Variants in TRABD observed in about 807,000 individuals in gnomAD.
TRABD encodes the protein traB domain-containing protein.
TRABD carries 23 observed loss-of-function variants against 39.6 expected under a neutral mutation model. The ratio of observed to expected loss-of-function variants is 0.58; its 90% CI spans 0.42 to 0.82. The LOEUF (loss-of-function observed/expected upper bound fraction) is 0.82, where lower values mean the gene tolerates loss of function less well. TRABD is among the 40% of genes least tolerant of loss of function. The pLI, the probability that TRABD is intolerant of heterozygous loss-of-function variation, is 0.00. For synonymous variants in TRABD, 243 were observed against 232.1 expected, an observed-to-expected ratio of 1.05 and a Z score of -0.43; for missense variants, 487 against 544.9, an observed-to-expected ratio of 0.89 and a Z score of 1.06.
At chr22:50,194,610 C>T (rs2064032682) in intron 4 of TRABD, 104 bp downstream of exon 4, 1 of 1,487,212 alleles carries the variant, frequency 6.7e-7, no homozygotes, top group Admixed American at 2.4e-5. Flanking sequence ...TGTGTGCGCA[C>T]CGCAGGCCTC....
Position 50,197,446 on chromosome 22 carries a change from C to T in TRABD, c.532-3C>T. 1.9e-6 allele frequency: 3 copies of T among 1,613,732 alleles called. No individual in the cohort carries two copies. Among genetic ancestry groups the T allele is most frequent in the Non-Finnish European group, 8.5e-7 (1 of 1,179,940 alleles). On this transcript the variant is annotated splice_region_variant and splice_polypyrimidine_tract_variant and intron_variant, in intron 6 of 9. Transcript: ENST00000380909. ...GCTCCCCAACACCCAGCCTCTGCTC[C>T]AGGCCAGCAAGGTGCCTTTCTGCAA...
chr22:50,197,776 C>CCCCCCCCTG, intron 7 of TRABD, 47 bp from the exon 8 acceptor site: 15 of 1,439,284 alleles, frequency 1.0e-5, no homozygotes, highest in Non-Finnish European at 1.4e-5. Context: ...CCCACCCCCC[C>CCCCCCCCTG]AGCCCGTTGC....
In TRABD at chr22:50,198,361, G is replaced by A. The variant is rs752086653; in HGVS notation, c.973G>A (p.Val325Ile). The change falls in exon 10 of 10, where the codon GTC becomes ATC. Residue 325 changes from valine to isoleucine, a missense_variant. By Grantham distance (29) the Val-to-Ile change is conservative (BLOSUM62 3). Transcript: ENST00000380909. The surrounding 1 kb of genome is among the most constrained non-coding windows in gnomAD (Gnocchi z 7.9). ...QEIMTVPPPSVSGRVSRLAVK... is the reference protein window; with the variant it reads ...QEIMTVPPPSISGRVSRLAVK... ...CTCCCACAGCGTGCCCCCGCCGTCC[G>A]TCTCCGGCAGAGTGTCTCGGTTGGC... is the stretch of plus-strand genomic sequence containing the variant. 40 of 1,580,160 alleles carry A rather than the reference G, an allele frequency of 2.5e-5. No individual in the cohort carries two copies. Among genetic ancestry groups the A allele is most frequent in the Admixed American group, 1.2e-4 (7 of 56,032 alleles).
intron 1 of TRABD, 84 bp from the exon 2 acceptor site, chr22:50,192,938 GGTTCT>G: frequency 8.0e-7 from 1 of 1,242,350 alleles, no homozygotes; most frequent in African/African-American, 1.5e-5. Context: ...CCCAACAGAT[GGTTCT>G]AGACTGACAG....
chr22:50,198,537 G>C lies in TRABD; in HGVS notation c.*18G>C. Reference sequence around the variant, plus strand: ...ACAAGTAGGAGACTGCTCCCCGCCCGCTCGGGCCCCTGAGGAGCCAGTGCC... The same window carrying C: ...ACAAGTAGGAGACTGCTCCCCGCCCCCTCGGGCCCCTGAGGAGCCAGTGCC... On this transcript the variant is annotated 3_prime_UTR_variant, in exon 10 of 10. Coordinates refer to ENST00000380909, the MANE Select transcript of TRABD (RefSeq NM_001320485.2). This position sits in a 1 kb window ranked among gnomAD's most constrained non-coding sequence, Gnocchi z 7.9. 6.6e-7 allele frequency: 1 copy of C among 1,508,276 alleles called. No homozygotes were observed. The highest frequency in any genetic ancestry group is 8.8e-7 in the Non-Finnish European group (1 of 1,133,044). 93.4% of individuals were successfully genotyped at this position (1,508,276 alleles called of 1,614,324 possible).
At chr22:50,196,218 C>A (rs1468830456) in intron 5 of TRABD, among the ~76,000 whole-genome samples, 1 of 152,202 alleles carries the variant, frequency 6.6e-6, no homozygotes, top group Non-Finnish European at 1.5e-5. Context: ...TGAGCTCAGA[C>A]CCCAGCCCCT....
In TRABD at chr22:50,198,358, T is replaced by G. The variant is rs1164892721; in HGVS notation, c.970T>G (p.Ser324Ala). Residue 324 changes from serine (S) to alanine (A), a missense_variant, in exon 10 of 10, where the codon TCC becomes GCC. Physicochemically the swap from Ser to Ala is moderately conservative, Grantham distance 99. Around this residue, in one of 3 missense-constraint regions of TRABD, gnomAD observed 123 missense variants for 108.3 expected, o/e 1.14. Transcript: ENST00000380909. This position sits in a 1 kb window ranked among gnomAD's most constrained non-coding sequence, Gnocchi z 7.9. Reference protein sequence around the residue: ...IQEIMTVPPPSVSGRVSRLAV... With the variant: ...IQEIMTVPPPAVSGRVSRLAV... ...TCCCTCCCACAGCGTGCCCCCGCCG[T>G]CCGTCTCCGGCAGAGTGTCTCGGTT... 6.4e-7 allele frequency: 1 copy of G among 1,573,708 alleles called. No individual in the cohort carries two copies. The highest frequency in any genetic ancestry group is 8.6e-7 in the Non-Finnish European group (1 of 1,163,926).
intron 1 of TRABD, among the ~76,000 whole-genome samples, chr22:50,188,260 C>T (rs1001884291): frequency 4.0e-5 from 6 of 151,436 alleles, no homozygotes; most frequent in African/African-American, 9.8e-5. Context: ...CCAGCCTGGG[C>T]GACAGAGTGA....
In TRABD at chr22:50,197,565, G is replaced by A; in HGVS notation, c.648G>A (p.Leu216=). The stretch of plus-strand genomic sequence containing the variant: ...AGAAGGTCAGGCTGGCTTGGGGCCT[G>A]TGCTTCCTGTCAGACCCCATCAGGT... ...FWQKVRLAWG[L]CFLSDPISKD... is the part of the protein sequence containing the mutation. Residue 216 remains leucine (L), a synonymous_variant, in exon 7 of 10, where the codon CTG becomes CTA. Coordinates refer to ENST00000380909, the MANE Select transcript of TRABD (RefSeq NM_001320485.2). The A allele has an allele frequency of 6.2e-7, 1 of 1,613,314 alleles. No homozygotes were observed. The highest frequency in any genetic ancestry group is 8.5e-7 in the Non-Finnish European group (1 of 1,180,002).
rs758222935 is a variant in TRABD, at chr22:50,199,176, G to A, written c.*657G>A. On this transcript the variant is annotated 3_prime_UTR_variant, in exon 10 of 10. Transcript: ENST00000380909. Reference sequence around the variant, plus strand: ...CCTTAAATCCAAAGGGAGAGAATTCGTGTTCTTGGGTCTGTCCCGAGTGGG... The same window carrying A: ...CCTTAAATCCAAAGGGAGAGAATTCATGTTCTTGGGTCTGTCCCGAGTGGG... 1.1e-4 allele frequency: 82 copies of A among 716,202 alleles called. No homozygotes were observed. The highest frequency in any genetic ancestry group is 2.0e-4 in the Admixed American group (10 of 49,978). The allele number at this position is 716,202 out of a possible 1,614,324, so 44.4% of individuals were successfully genotyped here.
At chr22:50,196,295 TCCCCAGGGTGGCCTGGGCC>T (rs1031353958) in intron 5 of TRABD, among the ~76,000 whole-genome samples, 1 of 152,118 alleles carries the variant, frequency 6.6e-6, no homozygotes, top group African/African-American at 2.4e-5. Context: ...TAGCCTGGGC[TCCCCAGGGTGGCCTGGGCC>T]CCGGGGAAAC....
At chr22:50,192,928 C>A (rs1350514204) in intron 1 of TRABD, 99 bp from the exon 2 acceptor site, 15 of 1,159,962 alleles carry the variant, frequency 1.3e-5, no homozygotes, top group African/African-American at 1.5e-5. Context: ...CCCAGGCCCA[C>A]CCAACAGATG....
chr22:50,189,302 C>T (rs1341712268), intron 1 of TRABD, among the ~76,000 whole-genome samples: 1 of 152,240 alleles, frequency 6.6e-6, no homozygotes, highest in African/African-American at 2.4e-5. Flanking sequence ...CTGCCCAGAG[C>T]ATCCTGCCCA....
chr22:50,195,526 G>A (rs914022784), intron 5 of TRABD, among the ~76,000 whole-genome samples: 3 of 151,708 alleles, frequency 2.0e-5, no homozygotes, highest in Non-Finnish European at 2.9e-5. Context: ...GCAGTGGTGC[G>A]ATCTTGGCTC....
chr22:50,196,701 T>G (rs1034344142), intron 5 of TRABD, among the ~76,000 whole-genome samples: 1 of 150,370 alleles, frequency 6.7e-6, no homozygotes, highest in African/African-American at 2.4e-5. Flanking sequence ...AAAGGCCTTT[T>G]CTTCTTCTTT....
At chr22:50,190,308 T>G (rs774804276) in intron 1 of TRABD, among the ~76,000 whole-genome samples, 6 of 152,208 alleles carry the variant, frequency 3.9e-5, no homozygotes, top group Admixed American at 6.5e-5. Context: ...CAGGAAAGCT[T>G]CTCTGCCCTC....
intron 5 of TRABD, chr22:50,196,935 T>C (rs907312814): frequency 2.4e-5 from 8 of 332,320 alleles, no homozygotes; most frequent in Admixed American, 1.4e-4. Context: ...CCTGACCTCG[T>C]GATCCGCCTG....
rs946910509 is a variant in TRABD at position 50,198,654 on chromosome 22, C to A, written c.*135C>A. On this transcript the variant is annotated 3_prime_UTR_variant, in exon 10 of 10. Transcript: ENST00000380909. This position sits in a 1 kb window ranked among gnomAD's most constrained non-coding sequence, Gnocchi z 7.9. ...GTCTGGGCCCGGCCTCGCCTGCCCTCCTGGGCCAGTCACCCCTCCCCCAGC... is the reference window on the plus strand; with the variant it reads ...GTCTGGGCCCGGCCTCGCCTGCCCTACTGGGCCAGTCACCCCTCCCCCAGC... 1.5e-5 allele frequency: 13 copies of A among 864,082 alleles called. No individual in the cohort carries two copies. The African/African-American group carries it at 1.9e-4, about 13-fold the overall frequency. The allele number at this position is 864,082 out of a possible 1,614,324, so 53.5% of individuals were successfully genotyped here.
intron 1 of TRABD, among the ~76,000 whole-genome samples, chr22:50,191,373 A>G (rs1361145963): frequency 6.6e-6 from 1 of 152,156 alleles, no homozygotes; most frequent in African/African-American, 2.4e-5. Context: ...GCTTGGAGGC[A>G]TCTTAACTTG....
Sources: gnomAD v4.1 joint callset for allele counts (sites outside exome capture counted in the v4.1 genomes callset) on GRCh38, gnomAD v4.1.1 for gene constraint, gnomAD v4.1.1 regional missense constraint, Gnocchi (gnomAD v3.1) non-coding constraint, MANE v1.5 for transcripts, NCBI Gene and HGNC (gene_info 2026-07-23, HGNC 2026-07-21) for gene names.